Variants in ISOC2 observed in about 807,000 individuals in gnomAD.
The protein encoded by ISOC2 is isochorismatase domain containing 2.
Under a neutral mutation model 19.3 loss-of-function variants are expected in ISOC2, and 15 were observed. The observed-to-expected ratio is 0.78, with a 90% CI of 0.52 to 1.20. The LOEUF (loss-of-function observed/expected upper bound fraction) is 1.20, where lower values mean the gene tolerates loss of function less well. ISOC2 is among the 50% of genes most tolerant of loss of function. The pLI is 0.00. For missense variants in ISOC2, 285 were observed against 272.4 expected, an observed-to-expected ratio of 1.05 and a Z score of -0.33; for synonymous variants, 106 against 115.8, an observed-to-expected ratio of 0.92 and a Z score of 0.54.
intron 1 of ISOC2, among the ~76,000 whole-genome samples, chr19:55,458,437 TGGGAG>T: frequency 1.3e-5 from 2 of 152,100 alleles, no homozygotes; most frequent in South Asian, 4.1e-4. Context: ...ACCAGGGAAA[TGGGAG>T]ACCCTGGAGG....
In ISOC2 at chr19:55,453,237, A is replaced by G; in HGVS notation, c.*71T>C. On this transcript the variant is annotated 3_prime_UTR_variant, in exon 6 of 6. Coordinates refer to ENST00000425675, the MANE Select transcript of ISOC2 (RefSeq NM_001136201.2). ...ATCGCACCACTCTTGGGATCCAGGG[A>G]TGGGGGGAACGGGCTTCCACTGAGG... is the stretch of plus-strand genomic sequence containing the variant. The G allele has an allele frequency of 9.0e-7, 1 of 1,116,136 alleles. No individual in the cohort carries two copies. Among genetic ancestry groups the G allele is most frequent in the Non-Finnish European group, 1.3e-6 (1 of 776,472 alleles). 69.1% of individuals were successfully genotyped at this position (1,116,136 alleles called of 1,614,324 possible). A position where few individuals can be genotyped will look rare whatever the true frequency, so the allele number is the denominator to read the frequency against.
chr19:55,453,135 T>G lies in ISOC2; in HGVS notation c.*173A>C. On this transcript the variant is annotated 3_prime_UTR_variant, in exon 6 of 6. Coordinates refer to ENST00000425675, the MANE Select transcript of ISOC2 (RefSeq NM_001136201.2). The stretch of plus-strand genomic sequence containing the variant: ...TCCCACCCAGTTTCCAGGAGTCTCA[T>G]TTGCATTTCCGGGAGCAGCTGTCCA... 1 of 522,184 alleles carries G rather than the reference T, an allele frequency of 1.9e-6. No individual in the cohort carries two copies. Among genetic ancestry groups the G allele is most frequent in the Non-Finnish European group, 3.4e-6 (1 of 292,200 alleles). The allele number at this position is 522,184 out of a possible 1,614,324, so 32.3% of individuals were successfully genotyped here.
intron 1 of ISOC2, among the ~76,000 whole-genome samples, chr19:55,458,094 AG>A (rs1180130337): frequency 6.6e-6 from 1 of 152,038 alleles, no homozygotes; most frequent in Non-Finnish European, 1.5e-5. Context: ...AAGAAGAGAA[AG>A]AAAAAAAGGA....
intron 1 of ISOC2, among the ~76,000 whole-genome samples, chr19:55,456,915 A>C (rs1986079490): frequency 6.6e-6 from 1 of 152,066 alleles, no homozygotes; most frequent in African/African-American, 2.4e-5. Flanking sequence ...CCCAGTCACC[A>C]TCCGCCCTGG....
intron 5 of ISOC2, chr19:55,453,591 T>C (rs1374496653): frequency 4.5e-6 from 2 of 441,850 alleles, no homozygotes; most frequent in African/African-American, 2.0e-5. Context: ...CTGCCTGCCA[T>C]CTTGGTGTGC....
At chr19:55,456,536 CAG>C (rs1356970765) in intron 1 of ISOC2, 47 bp from the exon 2 acceptor site, 1 of 1,600,956 alleles carries the variant, frequency 6.2e-7, no homozygotes, top group Non-Finnish European at 8.5e-7. Flanking sequence ...GGGCTCCTCT[CAG>C]TGTCTCCAGC....
In ISOC2 at chr19:55,455,342, G is replaced by A. The variant is rs144653609; in HGVS notation, c.349-12C>T. ...TCCAGGGTCGTGTTCTGTGGGTAGAGAGAGGTCAGGGCCAACCCCGGATAA... is the reference window on the plus strand; with the variant it reads ...TCCAGGGTCGTGTTCTGTGGGTAGAAAGAGGTCAGGGCCAACCCCGGATAA... On this transcript the variant is annotated splice_polypyrimidine_tract_variant and intron_variant, in intron 3 of 5. Transcript: ENST00000425675. 322 of 1,614,124 alleles carry A rather than the reference G, an allele frequency of 2.0e-4. 1 individual carries two copies. The African/African-American group carries it at 3.8e-3, about 19-fold the overall frequency.
intron 4 of ISOC2, 69 bp from the exon 5 acceptor site, chr19:55,455,175 A>G: frequency 6.4e-7 from 1 of 1,570,942 alleles, no homozygotes; most frequent in Non-Finnish European, 8.7e-7. Context: ...ACACGCAGGC[A>G]CCCTGGTGGG....
intron 5 of ISOC2, chr19:55,454,705 A>AC (rs1222194903): frequency 6.4e-6 from 3 of 470,664 alleles, no homozygotes; most frequent in Non-Finnish European, 7.7e-6. Flanking sequence ...TTCTAAAGTC[A>AC]CCTGCTCCAG....
chr19:55,453,221 CT>C lies in ISOC2; in HGVS notation c.*86del. Reference sequence around the variant, plus strand: ...GCGGCACTCCTGGTGGATCGCACCACTCTTGGGATCCAGGGATGGGGGGAAC... The same window carrying C: ...GCGGCACTCCTGGTGGATCGCACCACCTTGGGATCCAGGGATGGGGGGAAC... On this transcript the variant is annotated 3_prime_UTR_variant, in exon 6 of 6. Coordinates refer to ENST00000425675, the MANE Select transcript of ISOC2 (RefSeq NM_001136201.2). The C allele has an allele frequency of 1.0e-6, 1 of 977,278 alleles. No homozygotes were observed. Among genetic ancestry groups the C allele is most frequent in the Non-Finnish European group, 1.5e-6 (1 of 663,286 alleles). The allele number at this position is 977,278 out of a possible 1,614,324, so 60.5% of individuals were successfully genotyped here. A position where few individuals can be genotyped will look rare whatever the true frequency, so the allele number is the denominator to read the frequency against.
chr19:55,453,167 AGGCAGCACCCTGCCCCCCCCACAAGGG>A lies in ISOC2; in HGVS notation c.*114_*140del, dbSNP rs1331315070. On this transcript the variant is annotated 3_prime_UTR_variant, in exon 6 of 6. Coordinates refer to ENST00000425675, the MANE Select transcript of ISOC2 (RefSeq NM_001136201.2). ...TTCCGGGAGCAGCTGTCCAATGGGAAGGCAGCACCCTGCCCCCCCCACAAGGGGGCGGCACTCCTGGTGGATCGCACC... is the reference window on the plus strand; with the variant it reads ...TTCCGGGAGCAGCTGTCCAATGGGAAGGCGGCACTCCTGGTGGATCGCACC... The A allele has an allele frequency of 2.2e-5, 12 of 543,116 alleles. No homozygotes were observed. Among genetic ancestry groups the A allele is most frequent in the African/African-American group, 8.1e-5 (4 of 49,206 alleles). 33.6% of individuals were successfully genotyped at this position (543,116 alleles called of 1,614,324 possible).
At chr19:55,457,116 C>T (rs61555067) in intron 1 of ISOC2, 26,367 of 153,264 alleles carry the variant, frequency 0.17, 2,437 homozygotes, top group South Asian at 0.25. Flanking sequence ...AAACTGAGGC[C>T]ATATTCTTCA....
chr19:55,455,740 TG>T lies in ISOC2; in HGVS notation c.243del (p.Lys82ArgfsTer35). The T allele has an allele frequency of 6.2e-7, 1 of 1,602,840 alleles. No homozygotes were observed. The highest frequency in any genetic ancestry group is 1.3e-5 in the African/African-American group (1 of 74,988). On this transcript the variant is annotated frameshift_variant, in exon 3 of 6. Coordinates refer to ENST00000425675, the MANE Select transcript of ISOC2 (RefSeq NM_001136201.2). LOFTEE classifies it high-confidence loss of function. ...GCAGGCACCATGCTGAAGCAGGTCT[TG>T]GCCAGCGGCCGAAGGCCCTCAGTCC... is the stretch of plus-strand genomic sequence containing the variant. ...ELGTEGLRPL[A>X]KTCFSMVPAL...
Position 55,453,408 on chromosome 19 carries a change from T to C in ISOC2, c.538-20A>G. 1 of 1,578,412 alleles carries C rather than the reference T, an allele frequency of 6.3e-7. No individual in the cohort carries two copies. The highest frequency in any genetic ancestry group is 8.6e-7 in the Non-Finnish European group (1 of 1,161,226). ...CTGGATCTGTAAGGGCAGGGGGCGATGGGTCAGGAAGCGTCTAGGGTCCCG... is the reference window on the plus strand; with the variant it reads ...CTGGATCTGTAAGGGCAGGGGGCGACGGGTCAGGAAGCGTCTAGGGTCCCG... On this transcript the variant is annotated intron_variant, in intron 5 of 5. Transcript: ENST00000425675.
chr19:55,459,539 TC>T (rs1326341818), intron 1 of ISOC2, among the ~76,000 whole-genome samples: 1 of 152,046 alleles, frequency 6.6e-6, no homozygotes, highest in Admixed American at 6.6e-5. Context: ...AAGCTATTAC[TC>T]CCCTGTCTCA....
At chr19:55,456,185 C>T in intron 2 of ISOC2, 164 bp downstream of exon 2, 1 of 578,992 alleles carries the variant, frequency 1.7e-6, no homozygotes, top group Admixed American at 3.2e-5. Context: ...AGCCTGGATC[C>T]TGGATCTGAG....
At chr19:55,458,249 C>A (rs1245230219) in intron 1 of ISOC2, among the ~76,000 whole-genome samples, 1 of 152,284 alleles carries the variant, frequency 6.6e-6, no homozygotes. Flanking sequence ...GCTGTCAGAG[C>A]GTCTACACCG....
intron 1 of ISOC2, among the ~76,000 whole-genome samples, chr19:55,460,453 T>C (rs1986197758): frequency 6.6e-6 from 1 of 152,228 alleles, no homozygotes; most frequent in Non-Finnish European, 1.5e-5. Flanking sequence ...CACTGGGTCC[T>C]ATTCTGTTTC....
In ISOC2 at chr19:55,455,301, C is replaced by T. The variant is rs749162341; in HGVS notation, c.378G>A (p.Gly126=). 3.1e-6 allele frequency: 5 copies of T among 1,613,336 alleles called. No homozygotes were observed. Among genetic ancestry groups the T allele is most frequent in the African/African-American group, 1.3e-5 (1 of 74,904 alleles). ...LNTTLDLLDR[G]LQVHVVVDAC... ...CGTCCACCACCACATGGACCTGCAG[C>T]CCCCGGTCTAGGAGGTCCAGGGTCG... is the stretch of plus-strand genomic sequence containing the variant. The change falls in exon 4 of 6, where the codon GGG becomes GGA. Residue 126 remains glycine, a synonymous_variant. Transcript: ENST00000425675.
Sources: allele counts gnomAD v4.1 joint callset (sites outside exome capture counted in the v4.1 genomes callset), GRCh38; gene constraint gnomAD v4.1.1; transcripts MANE v1.5; gene names NCBI Gene and HGNC (gene_info 2026-07-23, HGNC 2026-07-21).